Variants in CREB3L3 observed in about 807,000 individuals in gnomAD.
CREB3L3 encodes cyclic AMP-responsive element-binding protein 3-like protein 3.
A neutral mutation model predicts 44.6 loss-of-function variants in CREB3L3; 40 were observed. The ratio of observed to expected loss-of-function variants is 0.90; its 90% CI spans 0.70 to 1.17. CREB3L3 has a LOEUF of 1.17. Ranked by LOEUF, CREB3L3 falls within the 50% of genes most tolerant of loss-of-function variation. CREB3L3 has a pLI of 0.00. For missense variants in CREB3L3, 578 were observed against 595.8 expected (o/e 0.97, Z 0.31); for synonymous variants, 273 against 256.3 (o/e 1.06, Z -0.62).
At chr19:4,161,173 AG>A (rs1233336582) in intron 4 of CREB3L3, among the ~76,000 whole-genome samples, 1 of 152,172 alleles carries the variant, frequency 6.6e-6, no homozygotes, top group East Asian at 1.9e-4. Context: ...CATGTTAGCC[AG>A]GATGGTCTCG....
At chr19:4,167,082 C>T (rs1294523276) in intron 5 of CREB3L3, among the ~76,000 whole-genome samples, 1 of 152,084 alleles carries the variant, frequency 6.6e-6, no homozygotes, top group Non-Finnish European at 1.5e-5. Flanking sequence ...GTGTCTCATG[C>T]CTGTAATCCC....
chr19:4,153,717 G>A lies in CREB3L3; in HGVS notation c.-31G>A, dbSNP rs201519223. 8.1e-6 allele frequency: 13 copies of A among 1,613,772 alleles called. No homozygotes were observed. Among genetic ancestry groups the A allele is most frequent in the Middle Eastern group, 1.6e-4 (1 of 6,084 alleles). ...CTCCAGCTTGGAGCAGAGACCCCCC[G>A]AGGCATCTGCAGACAGAACTGGATG... is the stretch of plus-strand genomic sequence containing the variant. On this transcript the variant is annotated 5_prime_UTR_variant, in exon 1 of 10. Transcript: ENST00000078445.
chr19:4,168,673 T>C (rs1193083519), intron 6 of CREB3L3, among the ~76,000 whole-genome samples: 1 of 152,036 alleles, frequency 6.6e-6, no homozygotes, highest in Non-Finnish European at 1.5e-5. Context: ...CCCTAGAAGG[T>C]GTGCGGAAAA....
chr19:4,169,833 A>G (rs1223550183), intron 6 of CREB3L3, among the ~76,000 whole-genome samples: 1 of 151,986 alleles, frequency 6.6e-6, no homozygotes, highest in African/African-American at 2.4e-5. Context: ...TCCTGACCTC[A>G]GGTGATCCGC....
intron 2 of CREB3L3, among the ~76,000 whole-genome samples, chr19:4,156,237 G>C (rs2041575036): frequency 6.7e-6 from 1 of 149,728 alleles, no homozygotes. Context: ...GCCCAGGCTG[G>C]AGTGCAATGG....
At position 4,157,089 on chromosome 19, in the gene CREB3L3, G is replaced by A. The variant is rs2041591907; in HGVS notation, c.251G>A (p.Gly84Asp). Residue 84 changes from glycine to aspartate, a missense_variant, in exon 3 of 10, where the codon GGC (glycine) becomes GAC (aspartate). Transcript: ENST00000078445. ...AGCTCCCCACTCTGGTCCCCCGAAGGCAGTGATAGTGGCATCTCCGAAGAC... is the reference window on the plus strand; with the variant it reads ...AGCTCCCCACTCTGGTCCCCCGAAGACAGTGATAGTGGCATCTCCGAAGAC... The part of the protein sequence containing the change: ...LPSSPLWSPE[G>D]SDSGISEDLP... The A allele has an allele frequency of 6.2e-7, 1 of 1,613,990 alleles. No homozygotes were observed. The highest frequency in any genetic ancestry group is 8.5e-7 in the Non-Finnish European group (1 of 1,179,984).
At chr19:4,169,907 C>G (rs1407412214) in intron 6 of CREB3L3, among the ~76,000 whole-genome samples, 1 of 152,104 alleles carries the variant, frequency 6.6e-6, no homozygotes. Flanking sequence ...CCAGGGGGCT[C>G]AGCTTTGAAT....
In CREB3L3 at chr19:4,154,974, G is replaced by A. The variant is rs201474344; in HGVS notation, c.103G>A (p.Gly35Ser). ...GGATCTCCTGTTTGACCGGCAGGAC[G>A]GCATCCTGAGACACGTGGAGCTGGG... is the stretch of plus-strand genomic sequence containing the variant. ...LLDLLFDRQD[G>S]ILRHVELGEG... Residue 35 changes from glycine to serine, a missense_variant, in exon 2 of 10, where the codon GGC becomes AGC. Gly to Ser is a moderately conservative substitution (Grantham distance 56, BLOSUM62 0). Transcript: ENST00000078445. The A allele has an allele frequency of 1.8e-5, 29 of 1,612,974 alleles. No homozygotes were observed. The highest frequency in any genetic ancestry group is 9.3e-5 in the African/African-American group (7 of 75,024).
rs11322852 is a variant in CREB3L3 at position 4,156,871 on chromosome 19, TC to T, written c.157-123del. On this transcript the variant is annotated intron_variant, in intron 2 of 9. Coordinates refer to ENST00000078445, the MANE Select transcript of CREB3L3 (RefSeq NM_032607.3). ...AGCCCCGGGAGGAAGAAGCAGTAAC[TC>T]ATCTTGGAGAAGGGAAGGACACCTA... The T allele has an allele frequency of 1.5e-3, 1,337 of 879,534 alleles. 5 individuals carry two copies. The highest frequency in any genetic ancestry group is 2.0e-3 in the Admixed American group (72 of 36,336). The allele number at this position is 879,534 out of a possible 1,614,324, so 54.5% of individuals were successfully genotyped here. A position where few individuals can be genotyped will look rare whatever the true frequency, so the allele number is the denominator to read the frequency against.
chr19:4,165,075 T>A (rs1169961688), intron 5 of CREB3L3, among the ~76,000 whole-genome samples: 1 of 151,964 alleles, frequency 6.6e-6, no homozygotes, highest in African/African-American at 2.4e-5. Flanking sequence ...GCCAAAACAA[T>A]CAGTCAGAAG....
At position 4,172,058 on chromosome 19, in the gene CREB3L3, G is replaced by A. The variant is rs755015841; in HGVS notation, c.*89G>A. 74 of 1,312,548 alleles carry A rather than the reference G, an allele frequency of 5.6e-5. No homozygotes were observed. The highest frequency in any genetic ancestry group is 6.7e-5 in the Non-Finnish European group (65 of 971,134). The allele number at this position is 1,312,548 out of a possible 1,614,324, so 81.3% of individuals were successfully genotyped here. Reference sequence around the variant, plus strand: ...GCAGCTACCCACCTGGGGATGGGACGTGAGGCCAAGACCCCAGCAGAGATG... The same window carrying A: ...GCAGCTACCCACCTGGGGATGGGACATGAGGCCAAGACCCCAGCAGAGATG... On this transcript the variant is annotated 3_prime_UTR_variant, in exon 10 of 10. Transcript: ENST00000078445.
In CREB3L3 at chr19:4,171,693, C is replaced by T. The variant is rs1404287349; in HGVS notation, c.1110C>T (p.Arg370=). The T allele has an allele frequency of 1.2e-5, 20 of 1,613,144 alleles. No individual in the cohort carries two copies. Among genetic ancestry groups the T allele is most frequent in the East Asian group, 2.2e-5 (1 of 44,882 alleles). ...SRTLHNDAAS[R]VAADAVPGSE... ...CTTTGCACAACGATGCTGCCTCCCG[C>T]GTGGCTGCTGATGCTGTGCCAGGCT... Residue 370 remains arginine (R), a synonymous_variant, in exon 10 of 10, where the codon CGC becomes CGT. Coordinates refer to ENST00000078445, the MANE Select transcript of CREB3L3 (RefSeq NM_032607.3). The surrounding 1 kb of genome is among the most constrained non-coding windows in gnomAD (Gnocchi z 4.9).
intron 3 of CREB3L3, among the ~76,000 whole-genome samples, chr19:4,159,364 TG>T (rs2041629150): frequency 7.9e-6 from 1 of 127,270 alleles, no homozygotes; most frequent in South Asian, 2.5e-4. Context: ...TTGGCCAGGC[TG>T]GTCTTGAACT....
chr19:4,168,225 C>A, intron 5 of CREB3L3, 126 bp from the exon 6 acceptor site: 1 of 641,648 alleles, frequency 1.6e-6, no homozygotes, highest in South Asian at 1.4e-5. Flanking sequence ...TCTCGAACTC[C>A]TGACCTCAGG....
Position 4,172,999 on chromosome 19 carries a change from A to G in CREB3L3, c.*1030A>G, listed in dbSNP as rs534442481. 1.3e-5 allele frequency: 2 copies of G among 152,964 alleles called. No individual in the cohort carries two copies. Among genetic ancestry groups the G allele is most frequent in the African/African-American group, 2.4e-5 (1 of 41,460 alleles). The allele number at this position is 152,964 out of a possible 1,614,324, so 9.5% of individuals were successfully genotyped here. A position where few individuals can be genotyped will look rare whatever the true frequency, so the allele number is the denominator to read the frequency against. Reference sequence around the variant, plus strand: ...CTGGTCTTTGGAGCAGCCACGGCCCACAATCACCCCCCTTTTCTAAGACTG... The same window carrying G: ...CTGGTCTTTGGAGCAGCCACGGCCCGCAATCACCCCCCTTTTCTAAGACTG... On this transcript the variant is annotated 3_prime_UTR_variant, in exon 10 of 10. Coordinates refer to ENST00000078445, the MANE Select transcript of CREB3L3 (RefSeq NM_032607.3).
intron 3 of CREB3L3, 48 bp from the exon 4 acceptor site, chr19:4,159,616 C>T (rs902527962): frequency 3.4e-6 from 3 of 871,710 alleles, no homozygotes; most frequent in Non-Finnish European, 4.0e-6. Context: ...CTCAGGACTC[C>T]CCCCGTCTGA....
chr19:4,161,192 G>C (rs755540793), intron 4 of CREB3L3, among the ~76,000 whole-genome samples: 73 of 152,122 alleles, frequency 4.8e-4, no homozygotes, highest in Admixed American at 3.1e-3. Context: ...TCGATCTCCT[G>C]ACCTCGTGAT....
intron 4 of CREB3L3, among the ~76,000 whole-genome samples, chr19:4,163,351 A>AGAAAGAAAGAAAGAAAG (rs535753131): frequency 1.7e-5 from 2 of 117,198 alleles, no homozygotes; most frequent in East Asian, 5.1e-4. Flanking sequence ...AAAGAAAGAA[A>AGAAAGAAAGAAAGAAAG]GAAGGAAGGA....
At position 4,171,473 on chromosome 19, in the gene CREB3L3, G is replaced by A; in HGVS notation, c.1066G>A (p.Val356Ile). ...CGAGAGCCCTGGGGACTTTGCGCCT[G>A]TACGAGGTAGGGGATCCCCACCTTT... is the stretch of plus-strand genomic sequence containing the variant. ...KTESPGDFAPVRVFSRTLHND... is the reference protein window; with the variant it reads ...KTESPGDFAPIRVFSRTLHND... Residue 356 changes from valine to isoleucine, a missense_variant, in exon 9 of 10, where the codon GTA becomes ATA. Transcript: ENST00000078445. This position sits in a 1 kb window ranked among gnomAD's most constrained non-coding sequence, Gnocchi z 4.9. The A allele has an allele frequency of 6.2e-7, 1 of 1,614,054 alleles. No individual in the cohort carries two copies. Among genetic ancestry groups the A allele is most frequent in the Non-Finnish European group, 8.5e-7 (1 of 1,179,972 alleles).
Sources: allele counts gnomAD v4.1 joint callset (sites outside exome capture counted in the v4.1 genomes callset), GRCh38; gene constraint gnomAD v4.1.1; non-coding constraint Gnocchi (gnomAD v3.1); transcripts MANE v1.5; gene names NCBI Gene and HGNC (gene_info 2026-07-23, HGNC 2026-07-21).